Variants in NPR3 observed in about 807,000 individuals in gnomAD.
NPR3 encodes natriuretic peptide receptor 3, also known as atrial natriuretic peptide receptor 3.
A neutral mutation model predicts 54.5 loss-of-function variants in NPR3; 34 were observed. The ratio of observed to expected loss-of-function variants is 0.62; its 90% CI spans 0.47 to 0.83. The LOEUF is 0.83. Among genes scored for constraint, NPR3 ranks in the 40% least tolerant of loss-of-function variants. The pLI is 0.00. For synonymous variants in NPR3, 289 were observed against 297.1 expected (o/e 0.97, Z 0.28); for missense variants, 674 against 720.8 (o/e 0.94, Z 0.74).
chr5:32,698,664 G>C (rs1291527237), intron 1 of NPR3, among the ~76,000 whole-genome samples: 2 of 152,050 alleles, frequency 1.3e-5, no homozygotes, highest in Non-Finnish European at 2.9e-5. Context: ...CTCCAGAGTT[G>C]GGTGCATATA....
intron 3 of NPR3, among the ~76,000 whole-genome samples, chr5:32,760,324 A>G (rs1296850980): frequency 6.6e-6 from 1 of 152,188 alleles, no homozygotes; most frequent in African/African-American, 2.4e-5. Context: ...CCAGCAATGT[A>G]TGGAGTTACA....
intron 3 of NPR3, among the ~76,000 whole-genome samples, chr5:32,773,742 T>TC (rs1359068476): frequency 3.3e-5 from 5 of 152,214 alleles, no homozygotes; most frequent in African/African-American, 1.2e-4. Flanking sequence ...CAGCACAGAC[T>TC]CCAACACTTT....
At chr5:32,750,877 T>C (rs1173773) in intron 3 of NPR3, among the ~76,000 whole-genome samples, 61,693 of 152,068 alleles carry the variant, frequency 0.41, 13,998 homozygotes, top group African/African-American at 0.63. Flanking sequence ...AACACACGAA[T>C]AATAATGCAT....
At chr5:32,764,859 C>A (rs1034612511) in intron 3 of NPR3, among the ~76,000 whole-genome samples, 4 of 141,758 alleles carry the variant, frequency 2.8e-5, no homozygotes, top group South Asian at 4.6e-4. Context: ...GAGAGTTAAT[C>A]TGATACAAAC....
intron 1 of NPR3, 35 bp from the exon 2 acceptor site, chr5:32,724,663 G>T (rs772222436): frequency 6.2e-7 from 1 of 1,613,294 alleles, no homozygotes; most frequent in Non-Finnish European, 8.5e-7. Flanking sequence ...CTCTGCAAAG[G>T]GGTGCCTCAT....
intron 5 of NPR3, among the ~76,000 whole-genome samples, chr5:32,781,360 T>C (rs1742329451): frequency 1.3e-5 from 2 of 152,186 alleles, no homozygotes; most frequent in Non-Finnish European, 2.9e-5. Flanking sequence ...AAATGAAACC[T>C]AGAAAAGTAC....
chr5:32,710,448 A>G (rs1351277597), upstream of NPR3: 3 of 406,066 alleles, frequency 7.4e-6, no homozygotes, highest in East Asian at 9.2e-5. Flanking sequence ...TGACACCTCC[A>G]GAAGTTGAAC....
In NPR3 at chr5:32,786,610, T is replaced by C; in HGVS notation, c.*265T>C. ...TCATACTGTTTCAAGCCCATATGAT[T>C]AGATTTATGTTTTTAAAATCTGTTG... On this transcript the variant is annotated 3_prime_UTR_variant, in exon 8 of 8. Transcript: ENST00000265074. The C allele has an allele frequency of 2.7e-6, 1 of 373,842 alleles. No individual in the cohort carries two copies. The highest frequency in any genetic ancestry group is 4.7e-6 in the Non-Finnish European group (1 of 213,420). The allele number at this position is 373,842 out of a possible 1,614,324, so 23.2% of individuals were successfully genotyped here.
At chr5:32,755,213 A>G (rs1042809612) in intron 3 of NPR3, among the ~76,000 whole-genome samples, 1 of 152,034 alleles carries the variant, frequency 6.6e-6, no homozygotes, top group African/African-American at 2.4e-5. Context: ...TGACATACCA[A>G]TTTTCCCACT....
chr5:32,746,733 G>A (rs1740320536), intron 3 of NPR3, among the ~76,000 whole-genome samples: 2 of 152,152 alleles, frequency 1.3e-5, no homozygotes, highest in African/African-American at 4.8e-5. Context: ...GAGTCAGTGT[G>A]GGAGACAGAT....
chr5:32,764,105 A>G (rs180963883), intron 3 of NPR3, among the ~76,000 whole-genome samples: 25 of 152,304 alleles, frequency 1.6e-4, no homozygotes, highest in Admixed American at 6.5e-4. Context: ...AGAGGGCAGC[A>G]GTTCAGATGT....
chr5:32,740,619 C>A (rs573840944), intron 3 of NPR3, among the ~76,000 whole-genome samples: 322 of 146,854 alleles, frequency 2.2e-3, no homozygotes, highest in Middle Eastern at 3.6e-3. Context: ...AAAAAAAAAA[C>A]CCCAGGTGAA....
intron 1 of NPR3, among the ~76,000 whole-genome samples, chr5:32,723,219 A>G (rs1048841045): frequency 5.4e-4 from 82 of 152,220 alleles, no homozygotes; most frequent in African/African-American, 2.0e-3. Flanking sequence ...CTCTCTGCAC[A>G]GTATGTGTGC....
rs988650838 is a variant in NPR3, at chr5:32,789,340, TC to T, written c.*2996del. ...AAATAAAAGCGTTCCCCAGATAACT[TC>T]AATCTGGAAAGAATTTTTTGTATAG... is the stretch of plus-strand genomic sequence containing the variant. On this transcript the variant is annotated 3_prime_UTR_variant, in exon 8 of 8. Transcript: ENST00000265074. The T allele has an allele frequency of 6.8e-6, 3 of 442,316 alleles. No individual in the cohort carries two copies. The highest frequency in any genetic ancestry group is 6.2e-5 in the African/African-American group (3 of 48,670). The allele number at this position is 442,316 out of a possible 1,614,324, so 27.4% of individuals were successfully genotyped here. A position where few individuals can be genotyped will look rare whatever the true frequency, so the allele number is the denominator to read the frequency against.
chr5:32,765,963 C>T (rs939078121), intron 3 of NPR3, among the ~76,000 whole-genome samples: 41 of 152,302 alleles, frequency 2.7e-4, no homozygotes, highest in South Asian at 1.0e-3. Context: ...GTTACCAGAG[C>T]CTGCAAGGCC....
intron 2 of NPR3, among the ~76,000 whole-genome samples, chr5:32,733,092 G>A (rs1739548348): frequency 6.6e-6 from 1 of 152,110 alleles, no homozygotes; most frequent in Admixed American, 6.5e-5. Flanking sequence ...TGATCCGCCT[G>A]CCTCGGCCTC....
At chr5:32,786,154 C>T in intron 7 of NPR3, 80 bp from the exon 8 acceptor site, 1 of 656,342 alleles carries the variant, frequency 1.5e-6, no homozygotes, top group Non-Finnish European at 2.7e-6. Flanking sequence ...CCAGATGTCC[C>T]TTGAGGGCAC....
intron 3 of NPR3, 127 bp downstream of exon 3, chr5:32,739,157 G>A (rs967436263): frequency 2.4e-6 from 2 of 842,214 alleles, no homozygotes; most frequent in African/African-American, 1.7e-5. Context: ...GAATGTCACT[G>A]TTGCCTTCTG....
At chr5:32,764,162 T>C (rs1317570244) in intron 3 of NPR3, among the ~76,000 whole-genome samples, 2 of 152,156 alleles carry the variant, frequency 1.3e-5, no homozygotes, top group African/African-American at 2.4e-5. Context: ...TCCTGATGTC[T>C]CCTTCGTGCA....
Sources: gnomAD v4.1 joint callset for allele counts (sites outside exome capture counted in the v4.1 genomes callset) on GRCh38, gnomAD v4.1.1 for gene constraint, MANE v1.5 for transcripts, NCBI Gene and HGNC (gene_info 2026-07-23, HGNC 2026-07-21) for gene names.